Variants in PTPRD observed in about 807,000 individuals in gnomAD.
PTPRD encodes the protein receptor-type tyrosine-protein phosphatase delta.
In PTPRD, 34 loss-of-function variants were observed where a neutral mutation model predicts 214.5. The ratio of observed to expected loss-of-function variants is 0.16; its 90% CI spans 0.12 to 0.21. The LOEUF (loss-of-function observed/expected upper bound fraction) is 0.21. PTPRD is among the 10% of genes least tolerant of loss of function. PTPRD has a pLI of 1.00. For synonymous variants in PTPRD, 1,128 were observed against 845.7 expected, an observed-to-expected ratio of 1.33 and a Z score of -5.79; for missense variants, 2,545 against 2,398.7, an observed-to-expected ratio of 1.06 and a Z score of -1.27.
chr9:10,353,159 G>A (rs2097210642), intron 2 of PTPRD, among the ~76,000 whole-genome samples: 2 of 151,686 alleles, frequency 1.3e-5, no homozygotes, highest in Admixed American at 6.6e-5. Flanking sequence ...CTATATACTC[G>A]GCTAAATCAC....
At chr9:9,553,142 G>A (rs1472110901) in intron 8 of PTPRD, among the ~76,000 whole-genome samples, 1 of 152,006 alleles carries the variant, frequency 6.6e-6, no homozygotes, top group African/African-American at 2.4e-5. Flanking sequence ...GTAGCTTACT[G>A]CAGTCGCCTG....
chr9:8,547,593 T>C (rs2080602042), intron 14 of PTPRD, among the ~76,000 whole-genome samples: 1 of 147,804 alleles, frequency 6.8e-6, no homozygotes, highest in Non-Finnish European at 1.5e-5. Flanking sequence ...CAGTGAGCCG[T>C]GTTCACACCA....
At chr9:9,242,907 A>G (rs921183569) in intron 9 of PTPRD, among the ~76,000 whole-genome samples, 4 of 151,758 alleles carry the variant, frequency 2.6e-5, no homozygotes, top group Non-Finnish European at 4.4e-5. Flanking sequence ...TTGGAGGAGA[A>G]GAGTTGCTCT....
At chr9:8,775,786 C>G (rs562380440) in intron 11 of PTPRD, among the ~76,000 whole-genome samples, 84 of 151,480 alleles carry the variant, frequency 5.5e-4, no homozygotes, top group South Asian at 1.0e-3. Context: ...GAGTTCAAGA[C>G]CAGCCTGGAC....
At chr9:9,266,269 A>T (rs1162365187) in intron 9 of PTPRD, among the ~76,000 whole-genome samples, 1 of 151,432 alleles carries the variant, frequency 6.6e-6, no homozygotes, top group East Asian at 2.0e-4. Flanking sequence ...GCAAATATTA[A>T]CACATCTTAA....
At chr9:9,639,586 T>G (rs1228565526) in intron 7 of PTPRD, among the ~76,000 whole-genome samples, 1 of 152,208 alleles carries the variant, frequency 6.6e-6, no homozygotes, top group Non-Finnish European at 1.5e-5. Context: ...ATATTGTTTC[T>G]CTCATTCTAT....
rs1839278377 is a variant in PTPRD at position 8,330,564 on chromosome 9, T to TAGAAAGTAGAAAGCAAATGTACATAGATA, written c.5534+989_5534+1017dup. On this transcript the variant is annotated intron_variant, in intron 44 of 45. Coordinates refer to ENST00000381196, the MANE Select transcript of PTPRD (RefSeq NM_002839.4). ...TTGCAAAGGATGTTTAATAACTCAA[T>TAGAAAGTAGAAAGCAAATGTACATAGATA]AGAAAGTAGAAAGCAAATGTACATA... Among the ~76,000 whole-genome samples, 4 of 47,396 alleles carry TAGAAAGTAGAAAGCAAATGTACATAGATA rather than the reference T, an allele frequency of 8.4e-5. No homozygotes were observed. The African/African-American group carries it at 2.6e-3, about 31-fold the overall frequency. The allele number at this position is 47,396 out of a possible 152,430, so 31.1% of individuals were successfully genotyped here. A position where few individuals can be genotyped will look rare whatever the true frequency, so the allele number is the denominator to read the frequency against.
At chr9:10,603,868 TCCCAC>T (rs1267652121) in intron 2 of PTPRD, among the ~76,000 whole-genome samples, 3 of 151,886 alleles carry the variant, frequency 2.0e-5, no homozygotes, top group African/African-American at 7.2e-5. Context: ...CTTCTTTTAA[TCCCAC>T]TACAAGAAGT....
chr9:9,380,624 G>A (rs2061944730), intron 9 of PTPRD, among the ~76,000 whole-genome samples: 1 of 152,152 alleles, frequency 6.6e-6, no homozygotes, highest in South Asian at 2.1e-4. Flanking sequence ...CTTAGTAAAT[G>A]TTCCATGTGA....
chr9:9,751,655 T>C lies in PTPRD; in HGVS notation c.-326+15155A>G, dbSNP rs146140009. On this transcript the variant is annotated intron_variant, in intron 6 of 45. Coordinates refer to ENST00000381196, the MANE Select transcript of PTPRD (RefSeq NM_002839.4). ...AATAACGTGAAGAAGAGACACACGG[T>C]ACAAACATCATGTGAAGATGAAGAC... Among the ~76,000 whole-genome samples, 484 of 152,162 alleles carry C rather than the reference T, an allele frequency of 3.2e-3. 1 individual carries two copies. Among genetic ancestry groups the C allele is most frequent in the Non-Finnish European group, 5.5e-3 (374 of 67,972 alleles).
In PTPRD at chr9:9,807,432, C is replaced by T. The variant is rs970819141; in HGVS notation, c.-367-40581G>A. Among the ~76,000 whole-genome samples, 6 of 152,128 alleles carry T rather than the reference C, an allele frequency of 3.9e-5. No homozygotes were observed. In the South Asian group the frequency reaches 6.2e-4, roughly 16 times the overall value. ...TCAGTTATGGTTATCAAACAAGATG[C>T]GATGTTGGCTAGGAAGCTTGTGGGA... is the stretch of plus-strand genomic sequence containing the variant. On this transcript the variant is annotated intron_variant, in intron 5 of 45. Transcript: ENST00000381196.
intron 2 of PTPRD, among the ~76,000 whole-genome samples, chr9:10,454,970 T>A (rs1165665170): frequency 4.0e-5 from 6 of 151,714 alleles, no homozygotes; most frequent in African/African-American, 1.4e-4. Flanking sequence ...AGGACAAAAA[T>A]ATTTTTAGAA....
chr9:9,991,985 A>G (rs2095950322), intron 4 of PTPRD, among the ~76,000 whole-genome samples: 1 of 152,214 alleles, frequency 6.6e-6, no homozygotes, highest in Non-Finnish European at 1.5e-5. Flanking sequence ...ACGAACCTCA[A>G]AAACATTACG....
chr9:10,225,859 A>G (rs2099587172), intron 3 of PTPRD, among the ~76,000 whole-genome samples: 1 of 152,092 alleles, frequency 6.6e-6, no homozygotes, highest in Non-Finnish European at 1.5e-5. Flanking sequence ...ATCCATCAAC[A>G]TAGATCAATC....
rs1346881001 is a variant in PTPRD at position 8,527,332 on chromosome 9, A to T, written c.550+13T>A. ...TAGTGGGGTTGAAGTGCGCTTCAGAACTAAGCACTTACCAATAGATTCTGG... is the reference window on the plus strand; with the variant it reads ...TAGTGGGGTTGAAGTGCGCTTCAGATCTAAGCACTTACCAATAGATTCTGG... On this transcript the variant is annotated intron_variant, in intron 16 of 45. Coordinates refer to ENST00000381196, the MANE Select transcript of PTPRD (RefSeq NM_002839.4). The T allele has an allele frequency of 6.2e-7, 1 of 1,607,254 alleles. No homozygotes were observed. Among genetic ancestry groups the T allele is most frequent in the Admixed American group, 1.7e-5 (1 of 59,844 alleles).
At chr9:9,906,268 A>C (rs939921637) in intron 5 of PTPRD, among the ~76,000 whole-genome samples, 1 of 151,940 alleles carries the variant, frequency 6.6e-6, no homozygotes, top group Admixed American at 6.6e-5. Flanking sequence ...GTTAATTCAA[A>C]ATTTTTCATC....
chr9:9,354,954 T>C (rs942280484), intron 9 of PTPRD, among the ~76,000 whole-genome samples: 1 of 151,684 alleles, frequency 6.6e-6, no homozygotes, highest in East Asian at 2.0e-4. Flanking sequence ...GTGACAGTAG[T>C]GGAGTGTGGA....
chr9:8,386,993 C>A (rs987469043), intron 37 of PTPRD, among the ~76,000 whole-genome samples: 6 of 152,064 alleles, frequency 3.9e-5, no homozygotes, highest in African/African-American at 1.4e-4. Flanking sequence ...GGGTCCAGGG[C>A]TCATGTGTAT....
intron 9 of PTPRD, among the ~76,000 whole-genome samples, chr9:9,269,762 G>C (rs1942006129): frequency 6.6e-6 from 1 of 151,178 alleles, no homozygotes; most frequent in African/African-American, 2.4e-5. Context: ...GACATAGAAA[G>C]AAAAATACTG....
Sources: gnomAD v4.1 joint callset for allele counts (sites outside exome capture counted in the v4.1 genomes callset) on GRCh38, gnomAD v4.1.1 for gene constraint, MANE v1.5 for transcripts, NCBI Gene and HGNC (gene_info 2026-07-23, HGNC 2026-07-21) for gene names.